MEMO1: variants seen among roughly 807,000 people sequenced by gnomAD.
MEMO1 encodes protein MEMO1.
A neutral mutation model predicts 45.2 loss-of-function variants in MEMO1; 6 were observed. The observed-to-expected ratio is 0.13, with a 90% CI of 0.07 to 0.26. MEMO1 has a LOEUF of 0.26. MEMO1 is among the 10% of genes least tolerant of loss of function. The pLI is 1.00. For synonymous variants in MEMO1, 78 were observed against 124.3 expected (o/e 0.63, Z 2.48); for missense variants, 184 against 370.5 (o/e 0.50, Z 4.13).
intron 2 of MEMO1, among the ~76,000 whole-genome samples, chr2:31,962,510 T>G (rs1294329539): frequency 6.6e-6 from 1 of 152,136 alleles, no homozygotes; most frequent in African/African-American, 2.4e-5. Flanking sequence ...AAGTACTTTA[T>G]CAGAAACAAA....
intron 8 of MEMO1, among the ~76,000 whole-genome samples, chr2:31,870,993 G>C (rs1450849453): frequency 6.6e-6 from 1 of 152,238 alleles, no homozygotes; most frequent in South Asian, 2.1e-4. Flanking sequence ...AAATTTGTTA[G>C]ACTATTGTTA....
chr2:32,006,730 G>A (rs1674124579), intron 2 of MEMO1, among the ~76,000 whole-genome samples: 1 of 152,078 alleles, frequency 6.6e-6, no homozygotes, highest in South Asian at 2.1e-4. Context: ...ACTTTGGGAG[G>A]CCGAGGCAGG....
At chr2:31,972,777 C>A (rs543020997) in intron 2 of MEMO1, among the ~76,000 whole-genome samples, 2 of 152,100 alleles carry the variant, frequency 1.3e-5, no homozygotes, top group East Asian at 3.9e-4. Context: ...AGGATTAATA[C>A]CCAGAATATA....
At chr2:31,983,239 C>A (rs1042550480) in intron 2 of MEMO1, among the ~76,000 whole-genome samples, 1 of 151,938 alleles carries the variant, frequency 6.6e-6, no homozygotes, top group African/African-American at 2.4e-5. Flanking sequence ...CCAGCCTGGG[C>A]AACAGAGCAA....
At chr2:31,996,134 C>T (rs1015903312) in intron 2 of MEMO1, among the ~76,000 whole-genome samples, 4 of 151,134 alleles carry the variant, frequency 2.6e-5, no homozygotes, top group African/African-American at 7.3e-5. Flanking sequence ...GTGGCTCATG[C>T]CTATAATCCT....
chr2:31,937,075 C>A (rs923564055), intron 3 of MEMO1, among the ~76,000 whole-genome samples: 1 of 152,168 alleles, frequency 6.6e-6, no homozygotes, highest in Non-Finnish European at 1.5e-5. Flanking sequence ...ATATAATTTG[C>A]AAATGCAGCA....
At chr2:31,886,758 C>T (rs764228436) in intron 7 of MEMO1, among the ~76,000 whole-genome samples, 6 of 152,088 alleles carry the variant, frequency 3.9e-5, no homozygotes, top group African/African-American at 7.2e-5. Flanking sequence ...ATGAATAAAG[C>T]GTATCACATA....
intron 6 of MEMO1, among the ~76,000 whole-genome samples, chr2:31,910,112 T>C (rs942340020): frequency 1.1e-4 from 16 of 152,036 alleles, no homozygotes; most frequent in African/African-American, 3.9e-4. Context: ...AAAGTGCTGA[T>C]AGCGAAAGAA....
chr2:31,902,734 T>TTTTG (rs536351448), intron 6 of MEMO1, among the ~76,000 whole-genome samples: 4 of 152,066 alleles, frequency 2.6e-5, no homozygotes, highest in East Asian at 3.9e-4. Context: ...CCCCCTCACA[T>TTTTG]TTTGTTTGTT....
At chr2:31,963,682 C>G (rs1238457789) in intron 2 of MEMO1, among the ~76,000 whole-genome samples, 1 of 151,986 alleles carries the variant, frequency 6.6e-6, no homozygotes, top group Non-Finnish European at 1.5e-5. Flanking sequence ...CCTAATAAAT[C>G]AATAGATAAA....
rs562409582 is a variant in MEMO1, at chr2:31,898,139, G to C, written c.438-6005C>G. The stretch of plus-strand genomic sequence containing the variant: ...TATTAGTCTGGCTAGTGGTCTATCT[G>C]TTTCGTTAATCTTTTGAAAAAACCA... On this transcript the variant is annotated intron_variant, in intron 6 of 9. Coordinates refer to ENST00000404530, the MANE Select transcript of MEMO1 (RefSeq NM_001301833.4). Among the ~76,000 whole-genome samples, 6 of 151,708 alleles carry C rather than the reference G, an allele frequency of 4.0e-5. No homozygotes were observed. The East Asian group carries it at 1.2e-3, about 29-fold the overall frequency.
chr2:31,962,827 T>A (rs1488926150), intron 2 of MEMO1, among the ~76,000 whole-genome samples: 3 of 152,202 alleles, frequency 2.0e-5, no homozygotes, highest in East Asian at 3.8e-4. Context: ...CCCAGACATT[T>A]GGTCAAGCAT....
At chr2:31,969,314 A>G (rs1010994251) in intron 2 of MEMO1, among the ~76,000 whole-genome samples, 1 of 150,974 alleles carries the variant, frequency 6.6e-6, no homozygotes, top group Non-Finnish European at 1.5e-5. Context: ...ACACATATAT[A>G]CATGTGTGAT....
At chr2:31,881,253 G>A (rs1194626879) in intron 8 of MEMO1, among the ~76,000 whole-genome samples, 2 of 151,858 alleles carry the variant, frequency 1.3e-5, no homozygotes, top group South Asian at 4.1e-4. Flanking sequence ...ACTTTGGGAG[G>A]CCAAGGAGGG....
At chr2:31,941,667 T>C (rs569343183) in intron 3 of MEMO1, among the ~76,000 whole-genome samples, 1 of 152,232 alleles carries the variant, frequency 6.6e-6, no homozygotes, top group Non-Finnish European at 1.5e-5. Context: ...TTAGTTCATT[T>C]AATCTTTTGT....
At chr2:31,958,602 G>T (rs13382291) in intron 2 of MEMO1, among the ~76,000 whole-genome samples, 94 of 152,126 alleles carry the variant, frequency 6.2e-4, no homozygotes, top group African/African-American at 2.2e-3. Context: ...CCTCAATTTT[G>T]TAAAAGCCAC....
At chr2:31,954,417 T>C (rs1232691041) in intron 2 of MEMO1, among the ~76,000 whole-genome samples, 1 of 152,114 alleles carries the variant, frequency 6.6e-6, no homozygotes, top group Non-Finnish European at 1.5e-5. Flanking sequence ...GACCCCTGTT[T>C]AACATACCAA....
chr2:31,912,513 CAAAAA>C (rs752295550), intron 6 of MEMO1, among the ~76,000 whole-genome samples: 3 of 60,536 alleles, frequency 5.0e-5, no homozygotes, highest in African/African-American at 1.2e-4. Context: ...AACTCTGTCT[CAAAAA>C]AAAAAAAAAA....
chr2:31,979,917 A>T (rs1670440668), intron 2 of MEMO1, among the ~76,000 whole-genome samples: 1 of 151,930 alleles, frequency 6.6e-6, no homozygotes, highest in Non-Finnish European at 1.5e-5. Context: ...TTATTGACTG[A>T]TATGTAGAAA....
Sources: allele counts gnomAD v4.1 joint callset (sites outside exome capture counted in the v4.1 genomes callset), GRCh38; gene constraint gnomAD v4.1.1; transcripts MANE v1.5; gene names NCBI Gene and HGNC (gene_info 2026-07-23, HGNC 2026-07-21).